Variants in ADD3 observed in about 807,000 individuals in gnomAD.
ADD3 encodes the protein adducin 3.
Under a neutral mutation model 80.2 loss-of-function variants are expected in ADD3, and 25 were observed. The observed-to-expected ratio is 0.31, with a 90% confidence interval of 0.23 to 0.44. The LOEUF (loss-of-function observed/expected upper bound fraction) is 0.44. Among genes scored for constraint, ADD3 ranks in the 20% least tolerant of loss-of-function variants. The pLI is 1.00. For synonymous variants in ADD3, 284 were observed against 289.6 expected (o/e 0.98, Z 0.20); for missense variants, 829 against 847.5 (o/e 0.98, Z 0.27).
intron 12 of ADD3, among the ~76,000 whole-genome samples, 177 bp downstream of exon 12, chr10:110,126,680 T>C (rs1302647105): frequency 2.0e-5 from 3 of 152,232 alleles, no homozygotes; most frequent in Admixed American, 1.3e-4. Flanking sequence ...AACTTTCTGT[T>C]CTTTTCATTG....
chr10:110,003,231 G>T (rs568098936), upstream of ADD3, among the ~76,000 whole-genome samples: 39 of 151,946 alleles, frequency 2.6e-4, no homozygotes, highest in African/African-American at 8.7e-4. Context: ...ATATTCAAAT[G>T]GCATATGCAT....
At chr10:110,006,502 A>G (rs1245834746), upstream of ADD3, among the ~76,000 whole-genome samples, 1 of 152,198 alleles carries the variant, frequency 6.6e-6, no homozygotes, top group African/African-American at 2.4e-5. Flanking sequence ...AGCATTTTCT[A>G]AACAATTTTC....
Position 110,116,255 on chromosome 10 carries a change from T to C in ADD3, c.335-4T>C, listed in dbSNP as rs374326342. 45 of 1,613,334 alleles carry C rather than the reference T, an allele frequency of 2.8e-5. No individual in the cohort carries two copies. Among genetic ancestry groups the C allele is most frequent in the Non-Finnish European group, 3.8e-5 (45 of 1,179,738 alleles). On this transcript the variant is annotated splice_polypyrimidine_tract_variant and splice_region_variant and intron_variant, in intron 3 of 14. Coordinates refer to ENST00000356080, the MANE Select transcript of ADD3 (RefSeq NM_016824.5). ...ATCTCTCTCCACATTTTTTGCTCTT[T>C]TAGGTCTTGGCATGGTCACACCTAT...
At chr10:110,099,697 A>G (rs1432738740) in intron 1 of ADD3, among the ~76,000 whole-genome samples, 1 of 152,148 alleles carries the variant, frequency 6.6e-6, no homozygotes, top group Non-Finnish European at 1.5e-5. Flanking sequence ...TTAAACATGC[A>G]TGTTGGATAG....
At chr10:110,059,199 C>A (rs957420937) in intron 1 of ADD3, among the ~76,000 whole-genome samples, 32 of 152,052 alleles carry the variant, frequency 2.1e-4, no homozygotes, top group African/African-American at 6.0e-4. Flanking sequence ...AGGCCGGGTA[C>A]AGTGGCTCAT....
intron 1 of ADD3, among the ~76,000 whole-genome samples, chr10:110,021,185 A>G (rs541859495): frequency 2.0e-5 from 3 of 152,354 alleles, no homozygotes; most frequent in Non-Finnish European, 4.4e-5. Flanking sequence ...TTTAACTGCT[A>G]AGGACACTTG....
At chr10:110,035,446 A>G (rs185012681) in intron 1 of ADD3, among the ~76,000 whole-genome samples, 2 of 152,320 alleles carry the variant, frequency 1.3e-5, no homozygotes, top group African/African-American at 4.8e-5. Context: ...TTAGAGTGAT[A>G]ACTGACTCCA....
intron 2 of ADD3, among the ~76,000 whole-genome samples, chr10:110,103,892 C>T (rs540229541): frequency 2.6e-5 from 4 of 152,256 alleles, no homozygotes; most frequent in Admixed American, 2.6e-4. Flanking sequence ...AAAGGAACCG[C>T]AGTCTGTCCT....
chr10:110,007,370 C>T (rs868147950), upstream of ADD3, among the ~76,000 whole-genome samples: 3 of 152,208 alleles, frequency 2.0e-5, no homozygotes, highest in South Asian at 2.1e-4. Flanking sequence ...AGTCCAGGCC[C>T]CACGGGGGGC....
chr10:110,068,203 T>C (rs1157419206), intron 1 of ADD3, among the ~76,000 whole-genome samples: 1 of 152,052 alleles, frequency 6.6e-6, no homozygotes, highest in African/African-American at 2.4e-5. Flanking sequence ...AGCTCCTCCT[T>C]TTCCCGCTTC....
At chr10:110,110,159 C>G (rs114173792) in intron 2 of ADD3, among the ~76,000 whole-genome samples, 175 of 152,298 alleles carry the variant, frequency 1.1e-3, no homozygotes, top group African/African-American at 4.0e-3. Flanking sequence ...ATTAATCACT[C>G]AAATATCCAC....
At chr10:110,050,076 G>T (rs911947236) in intron 1 of ADD3, among the ~76,000 whole-genome samples, 2 of 152,184 alleles carry the variant, frequency 1.3e-5, no homozygotes, top group East Asian at 1.9e-4. Flanking sequence ...GGAAGGGACC[G>T]GTCTTGTCTC....
intron 13 of ADD3, 127 bp from the exon 14 acceptor site, chr10:110,132,178 C>G (rs1298637183): frequency 1.6e-6 from 1 of 623,612 alleles, no homozygotes; most frequent in Non-Finnish European, 2.8e-6. Flanking sequence ...TTAGCATGCT[C>G]AGCTCACTGC....
chr10:110,132,365 C>G lies in ADD3; in HGVS notation c.1793C>G (p.Thr598Ser). The stretch of plus-strand genomic sequence containing the variant: ...TCTGTTTCACAAATTCAGTCTCAAA[C>G]TCAGTCACCGCAAAATGTCCCTGAA... ...ASSVSQIQSQ[T>S]QSPQNVPEKL... is the part of the protein sequence containing the mutation. Residue 598 changes from threonine (T) to serine (S), a missense_variant, in exon 14 of 15, where the codon ACT becomes AGT. Coordinates refer to ENST00000356080, the MANE Select transcript of ADD3 (RefSeq NM_016824.5). 6.2e-7 allele frequency: 1 copy of G among 1,613,804 alleles called. No homozygotes were observed. The highest frequency in any genetic ancestry group is 8.5e-7 in the Non-Finnish European group (1 of 1,179,782).
intron 1 of ADD3, among the ~76,000 whole-genome samples, chr10:110,043,143 T>C (rs1856556083): frequency 6.6e-6 from 1 of 152,258 alleles, no homozygotes; most frequent in African/African-American, 2.4e-5. Flanking sequence ...AATTATGTCC[T>C]GAAGATCTTG....
chr10:109,998,419 G>T (rs12569425), intron 1 of ADD3, among the ~76,000 whole-genome samples: 1 of 151,958 alleles, frequency 6.6e-6, no homozygotes, highest in Non-Finnish European at 1.5e-5. Flanking sequence ...CCTACAACAA[G>T]ACCCCATTTC....
At chr10:110,121,654 C>A (rs939568183) in intron 8 of ADD3, among the ~76,000 whole-genome samples, 1 of 152,222 alleles carries the variant, frequency 6.6e-6, no homozygotes, top group African/African-American at 2.4e-5. Flanking sequence ...GGTTCCTCCT[C>A]TTCTCAAATG....
chr10:110,116,183 G>A (rs1457820480), intron 3 of ADD3, 76 bp from the exon 4 acceptor site: 29 of 1,475,540 alleles, frequency 2.0e-5, no homozygotes, highest in Non-Finnish European at 2.5e-5. Context: ...CCAGACGCAG[G>A]CTACTTCCTG....
chr10:110,040,964 G>GTCTCTCTCTCTCTC (rs66979569), intron 1 of ADD3, among the ~76,000 whole-genome samples: 11 of 149,504 alleles, frequency 7.4e-5, no homozygotes, highest in African/African-American at 2.5e-4. Flanking sequence ...GTCTCTCTCT[G>GTCTCTCTCTCTCTC]TCTCTCTCTC....
Sources: allele counts gnomAD v4.1 joint callset (sites outside exome capture counted in the v4.1 genomes callset), GRCh38; gene constraint gnomAD v4.1.1; transcripts MANE v1.5; gene names NCBI Gene and HGNC (gene_info 2026-07-23, HGNC 2026-07-21).